ARFGEF2: variants seen among roughly 807,000 people sequenced by gnomAD.
The protein encoded by ARFGEF2 is brefeldin A-inhibited guanine nucleotide-exchange protein 2.
Under a neutral mutation model 219.9 loss-of-function variants are expected in ARFGEF2, and 74 were observed. The ratio of observed to expected loss-of-function variants is 0.34; its 90% CI spans 0.28 to 0.41. The LOEUF is 0.41. Ranked by LOEUF, ARFGEF2 falls within the 10% of genes least tolerant of loss-of-function variation. ARFGEF2 has a pLI of 1.00. For missense variants in ARFGEF2, 1,743 were observed against 2,218.3 expected (o/e 0.79, Z 4.30); for synonymous variants, 733 against 799.2 (o/e 0.92, Z 1.40).
At chr20:48,999,776 A>G (rs1219674642) in intron 25 of ARFGEF2, among the ~76,000 whole-genome samples, 5 of 149,844 alleles carry the variant, frequency 3.3e-5, no homozygotes, top group Non-Finnish European at 7.4e-5. Context: ...AAAGAAATGT[A>G]TGTATGTATG....
intron 12 of ARFGEF2, among the ~76,000 whole-genome samples, chr20:48,974,387 C>T (rs1389372445): frequency 6.6e-6 from 1 of 152,106 alleles, no homozygotes; most frequent in East Asian, 1.9e-4. Flanking sequence ...GCTGGGATTA[C>T]AGGCGTGAGC....
Position 49,033,216 on chromosome 20 carries a change from C to G in ARFGEF2, c.*17C>G. Reference sequence around the variant, plus strand: ...GTGTGGTAGCCCTGGCTGCCCAGGCCAGTGCTGCAGCTCTGCAGAATGTTC... The same window carrying G: ...GTGTGGTAGCCCTGGCTGCCCAGGCGAGTGCTGCAGCTCTGCAGAATGTTC... On this transcript the variant is annotated 3_prime_UTR_variant, in exon 39 of 39. Transcript: ENST00000371917. 6.2e-7 allele frequency: 1 copy of G among 1,613,990 alleles called. No homozygotes were observed.
At chr20:48,993,845 CA>C (rs1350331622) in intron 21 of ARFGEF2, among the ~76,000 whole-genome samples, 1 of 152,160 alleles carries the variant, frequency 6.6e-6, no homozygotes, top group Non-Finnish European at 1.5e-5. Context: ...TAACGATTGC[CA>C]ACAACTTTAA....
At chr20:48,971,080 T>C in intron 9 of ARFGEF2, 40 bp from the exon 10 acceptor site, 2 of 1,554,424 alleles carry the variant, frequency 1.3e-6, no homozygotes, top group Non-Finnish European at 1.8e-6. Context: ...TTGACATTTT[T>C]TCTTTTAGCA....
intron 1 of ARFGEF2, among the ~76,000 whole-genome samples, chr20:48,937,832 T>A (rs2090968289): frequency 1.3e-5 from 2 of 152,198 alleles, no homozygotes; most frequent in Non-Finnish European, 2.9e-5. Flanking sequence ...TTACCTTTGC[T>A]GTGGTCATGC....
chr20:49,010,228 T>A lies in ARFGEF2; in HGVS notation c.3585-4T>A. 1 of 1,612,530 alleles carries A rather than the reference T, an allele frequency of 6.2e-7. No homozygotes were observed. Among genetic ancestry groups the A allele is most frequent in the Non-Finnish European group, 8.5e-7 (1 of 1,178,706 alleles). ...ACGATATGGCCGTCCCATTCTTTCC[T>A]CAGGTCTCCCACCATCCGGGACATG... On this transcript the variant is annotated splice_polypyrimidine_tract_variant and splice_region_variant and intron_variant, in intron 26 of 38. Coordinates refer to ENST00000371917, the MANE Select transcript of ARFGEF2 (RefSeq NM_006420.3).
intron 9 of ARFGEF2, among the ~76,000 whole-genome samples, chr20:48,970,610 T>C (rs1216246348): frequency 6.6e-6 from 1 of 151,726 alleles, no homozygotes; most frequent in African/African-American, 2.4e-5. Flanking sequence ...AAACTCCGTC[T>C]CAAAAAAATA....
chr20:49,005,510 G>A (rs558599236), intron 26 of ARFGEF2, among the ~76,000 whole-genome samples: 37 of 151,922 alleles, frequency 2.4e-4, no homozygotes, highest in Admixed American at 1.5e-3. Flanking sequence ...AGGCCGAGGC[G>A]GGTGGATCAC....
chr20:49,017,419 T>A (rs767615253), intron 32 of ARFGEF2, 32 bp downstream of exon 32: 13 of 1,613,878 alleles, frequency 8.1e-6, no homozygotes, highest in Non-Finnish European at 1.1e-5. Flanking sequence ...CCCGTTTATC[T>A]CTGTGTTCAG....
At chr20:48,950,669 G>A (rs1457727736) in intron 3 of ARFGEF2, among the ~76,000 whole-genome samples, 1 of 150,542 alleles carries the variant, frequency 6.6e-6, no homozygotes, top group Non-Finnish European at 1.5e-5. Context: ...GGTGGCATGT[G>A]CCTGTGGTCC....
chr20:49,020,720 A>G (rs1379708887), intron 34 of ARFGEF2, among the ~76,000 whole-genome samples: 8 of 152,216 alleles, frequency 5.3e-5, no homozygotes, highest in Non-Finnish European at 1.0e-4. Context: ...TGTTGGGATT[A>G]CATGCGTGAG....
intron 26 of ARFGEF2, among the ~76,000 whole-genome samples, chr20:49,008,419 C>T (rs963984384): frequency 6.6e-6 from 1 of 151,816 alleles, no homozygotes; most frequent in Non-Finnish European, 1.5e-5. Context: ...AAAAATTAGC[C>T]GGGTGTGGTG....
chr20:49,011,770 C>T (rs1018316851), intron 27 of ARFGEF2, among the ~76,000 whole-genome samples, 154 bp from the exon 28 acceptor site: 2 of 152,236 alleles, frequency 1.3e-5, no homozygotes, highest in South Asian at 2.1e-4. Context: ...ATAAGAAAAA[C>T]TGTCTTCCAA....
At chr20:48,935,550 C>A (rs901080647) in intron 1 of ARFGEF2, among the ~76,000 whole-genome samples, 1 of 152,202 alleles carries the variant, frequency 6.6e-6, no homozygotes, top group African/African-American at 2.4e-5. Context: ...ACCTTTCCCC[C>A]CTTTCTATTC....
At chr20:48,928,741 G>C (rs1468124599) in intron 1 of ARFGEF2, among the ~76,000 whole-genome samples, 1 of 152,050 alleles carries the variant, frequency 6.6e-6, no homozygotes, top group Non-Finnish European at 1.5e-5. Flanking sequence ...TGATCTGCCC[G>C]CCTCAGCCTC....
At chr20:48,981,796 G>A (rs984443676) in intron 14 of ARFGEF2, among the ~76,000 whole-genome samples, 9 of 151,926 alleles carry the variant, frequency 5.9e-5, no homozygotes, top group East Asian at 3.9e-4. Flanking sequence ...TTGTGCATGC[G>A]TCATGTAGTT....
intron 14 of ARFGEF2, among the ~76,000 whole-genome samples, chr20:48,981,863 A>G (rs2123444453): frequency 6.6e-6 from 1 of 152,156 alleles, no homozygotes; most frequent in South Asian, 2.1e-4. Context: ...TACACTGTTT[A>G]TTCTAGTTAG....
rs549763493 is a variant in ARFGEF2, at chr20:48,960,925, C to T, written c.839-2905C>T. On this transcript the variant is annotated intron_variant, in intron 6 of 38. Coordinates refer to ENST00000371917, the MANE Select transcript of ARFGEF2 (RefSeq NM_006420.3). ...TGAAACCCCTTCTCTACTAAAAATA[C>T]AAAAATTAGCTGGGCATGGTGGTGC... 4.5e-3 allele frequency among the ~76,000 whole-genome samples: 684 copies of T among 151,176 alleles called. 6 individuals carry two copies. The highest frequency in any genetic ancestry group is 0.016 in the African/African-American group (646 of 41,374).
At chr20:48,934,076 C>T (rs969259690) in intron 1 of ARFGEF2, among the ~76,000 whole-genome samples, 33 of 140,654 alleles carry the variant, frequency 2.3e-4, no homozygotes, top group Non-Finnish European at 4.2e-4. Flanking sequence ...GCCAAGAAGG[C>T]GCCACTGCAC....
Sources: allele counts gnomAD v4.1 joint callset (sites outside exome capture counted in the v4.1 genomes callset), GRCh38; gene constraint gnomAD v4.1.1; transcripts MANE v1.5; gene names NCBI Gene and HGNC (gene_info 2026-07-23, HGNC 2026-07-21).